The following NRCAM variants were observed in gnomAD, a reference collection of about 807,000 sequenced individuals.
The protein encoded by NRCAM is neuronal cell adhesion molecule, also known as NgCAM-related cell adhesion molecule.
A neutral mutation model predicts 156.5 loss-of-function variants in NRCAM; 83 were observed. That is an observed-to-expected ratio of 0.53 (90% confidence interval 0.44 to 0.64). The LOEUF is 0.64. NRCAM is among the 30% of genes least tolerant of loss of function. NRCAM has a pLI of 0.00. For synonymous variants in NRCAM, 538 were observed against 563.9 expected (o/e 0.95, Z 0.65); for missense variants, 1,417 against 1,597.3 (o/e 0.89, Z 1.92).
rs189812710 is a variant in NRCAM, at chr7:108,316,247, T to A, written c.-173-3516A>T. On this transcript the variant is annotated intron_variant, in intron 2 of 32. Coordinates refer to ENST00000379028, the MANE Select transcript of NRCAM (RefSeq NM_001037132.4). ...TTCCCCTCTTCCTCTTGCTTTCATG[T>A]ACACTCTATCTTGCCCTCTCTCATC... 1.7e-4 allele frequency among the ~76,000 whole-genome samples: 26 copies of A among 152,328 alleles called. No homozygotes were observed. The East Asian group carries it at 4.2e-3, about 25-fold the overall frequency.
intron 3 of NRCAM, among the ~76,000 whole-genome samples, chr7:108,283,388 T>C (rs866726533): frequency 6.6e-6 from 1 of 152,094 alleles, no homozygotes; most frequent in African/African-American, 2.4e-5. Context: ...TACAGAAAAA[T>C]TGCTATGATT....
intron 1 of NRCAM, among the ~76,000 whole-genome samples, chr7:108,412,183 A>C (rs966211361): frequency 6.6e-6 from 1 of 152,160 alleles, no homozygotes; most frequent in Admixed American, 6.5e-5. Context: ...AGGCGAAAAA[A>C]AACAACTGAG....
intron 3 of NRCAM, among the ~76,000 whole-genome samples, chr7:108,249,679 G>A (rs1381973444): frequency 1.3e-5 from 2 of 152,176 alleles, no homozygotes; most frequent in Non-Finnish European, 2.9e-5. Flanking sequence ...GTACACAAAA[G>A]CATGAATGTT....
chr7:108,394,045 C>A (rs1237104834), intron 2 of NRCAM, among the ~76,000 whole-genome samples: 1 of 152,198 alleles, frequency 6.6e-6, no homozygotes, highest in East Asian at 1.9e-4. Context: ...AAAGCCTCAG[C>A]CAACCTTTCA....
chr7:108,338,021 T>C (rs2099223631), intron 2 of NRCAM, among the ~76,000 whole-genome samples: 2 of 152,228 alleles, frequency 1.3e-5, no homozygotes, highest in Non-Finnish European at 2.9e-5. Context: ...AAGGGCTTTC[T>C]AACAACCCCC....
chr7:108,302,703 G>T (rs767604806), intron 3 of NRCAM, among the ~76,000 whole-genome samples: 1 of 152,054 alleles, frequency 6.6e-6, no homozygotes, highest in African/African-American at 2.4e-5. Flanking sequence ...AATATATCTA[G>T]CAAAGCAATA....
chr7:108,200,784 A>ACT (rs2077569241), intron 13 of NRCAM, among the ~76,000 whole-genome samples: 1 of 136,700 alleles, frequency 7.3e-6, no homozygotes, highest in African/African-American at 2.7e-5. Context: ...ACACACACAC[A>ACT]CTATGAAATA....
intron 2 of NRCAM, chr7:108,313,213 G>A (rs960370124): frequency 6.6e-6 from 1 of 152,156 alleles, no homozygotes; most frequent in African/African-American, 2.4e-5. Flanking sequence ...CCTGGGCTGT[G>A]ACAAAGGCAG....
At position 108,198,798 on chromosome 7, in the gene NRCAM, T is replaced by C. The variant is rs564486960; in HGVS notation, c.1208-699A>G. Among the ~76,000 whole-genome samples, 48 of 152,344 alleles carry C rather than the reference T, an allele frequency of 3.2e-4. No homozygotes were observed. The South Asian group carries it at 9.5e-3, about 30-fold the overall frequency. On this transcript the variant is annotated intron_variant, in intron 13 of 32. Coordinates refer to ENST00000379028, the MANE Select transcript of NRCAM (RefSeq NM_001037132.4). ...TTCTTGAAGCTGAAGTATAAATAAA[T>C]TGTGTAAATTCCTCTTGAAGACAAT...
At chr7:108,441,684 A>G (rs922698360) in intron 1 of NRCAM, among the ~76,000 whole-genome samples, 4 of 152,154 alleles carry the variant, frequency 2.6e-5, no homozygotes, top group Non-Finnish European at 5.9e-5. Context: ...AATCAGCTAA[A>G]CTCCCTAAGC....
In NRCAM at chr7:108,345,252, C is replaced by G. The variant is rs74471246; in HGVS notation, c.-173-32521G>C. Among the ~76,000 whole-genome samples the G allele has an allele frequency of 9.9e-3, 1,505 of 152,274 alleles. 32 individuals carry two copies. The highest frequency in any genetic ancestry group is 0.033 in the African/African-American group (1,372 of 41,548). ...TGAACTGTGTAATGCTGGCAAGTTA[C>G]TCAACTCAGAAAGGTTCCTCAGTTA... is the stretch of plus-strand genomic sequence containing the variant. On this transcript the variant is annotated intron_variant, in intron 2 of 32. Coordinates refer to ENST00000379028, the MANE Select transcript of NRCAM (RefSeq NM_001037132.4).
chr7:108,182,898 T>C lies in NRCAM; in HGVS notation c.2327A>G (p.Asn776Ser). Residue 776 changes from asparagine to serine, a missense_variant, in exon 23 of 33, where the codon AAT (asparagine) becomes AGT (serine). Around this residue, in one of 2 missense-constraint regions of NRCAM, gnomAD observed 1,238 missense variants for 1,336.4 expected, o/e 0.93. Transcript: ENST00000379028. ...TWKPLNGFES[N>S]GPGLQYKVSW... ...AACTTTGTACTGAAGGCCTGGCCCA[T>C]TAGATTCGAAACCATTCAAGGGCTA... The C allele has an allele frequency of 6.2e-7, 1 of 1,614,190 alleles. No homozygotes were observed. The highest frequency in any genetic ancestry group is 8.5e-7 in the Non-Finnish European group (1 of 1,180,012).
chr7:108,239,137 C>T (rs2095356444), intron 4 of NRCAM, among the ~76,000 whole-genome samples: 3 of 152,024 alleles, frequency 2.0e-5, no homozygotes. Context: ...ATTTTGCTTT[C>T]CATTTGCAGG....
chr7:108,398,465 G>A (rs767726283), intron 2 of NRCAM, among the ~76,000 whole-genome samples: 36 of 151,988 alleles, frequency 2.4e-4, no homozygotes, highest in Non-Finnish European at 5.0e-4. Flanking sequence ...ACTTCCTCCA[G>A]TGTAATACAC....
intron 2 of NRCAM, among the ~76,000 whole-genome samples, chr7:108,388,023 G>A (rs2099746994): frequency 6.6e-6 from 1 of 152,106 alleles, no homozygotes; most frequent in Non-Finnish European, 1.5e-5. Context: ...AAACATATGT[G>A]TGCATGTGTC....
intron 2 of NRCAM, among the ~76,000 whole-genome samples, chr7:108,388,129 G>T (rs1341344381): frequency 6.6e-6 from 1 of 152,140 alleles, no homozygotes; most frequent in African/African-American, 2.4e-5. Flanking sequence ...CTGAGGAATT[G>T]CCACACTGAC....
intron 2 of NRCAM, among the ~76,000 whole-genome samples, chr7:108,370,947 T>C (rs192288965): frequency 2.6e-4 from 40 of 152,320 alleles, no homozygotes; most frequent in Non-Finnish European, 4.7e-4. Context: ...CATTTTTTAA[T>C]GTTCTGATGT....
intron 2 of NRCAM, among the ~76,000 whole-genome samples, chr7:108,363,268 T>A (rs1408159306): frequency 6.6e-6 from 1 of 152,148 alleles, no homozygotes; most frequent in Non-Finnish European, 1.5e-5. Context: ...AGGTAGAGTA[T>A]AACCCACTAT....
chr7:108,443,140 CCAAA>C (rs781725924), intron 1 of NRCAM, among the ~76,000 whole-genome samples: 6 of 152,188 alleles, frequency 3.9e-5, no homozygotes, highest in East Asian at 3.9e-4. Context: ...AATCTTCCTA[CCAAA>C]CAATCTCGTT....
Sources: gnomAD v4.1 joint callset for allele counts (sites outside exome capture counted in the v4.1 genomes callset) on GRCh38, gnomAD v4.1.1 for gene constraint, gnomAD v4.1.1 regional missense constraint, MANE v1.5 for transcripts, NCBI Gene and HGNC (gene_info 2026-07-23, HGNC 2026-07-21) for gene names.